Variants in NUP37 observed in about 807,000 individuals in gnomAD.
NUP37 encodes the protein nucleoporin Nup37.
In NUP37, 33 loss-of-function variants were observed where a neutral mutation model predicts 45.4. The observed-to-expected ratio is 0.73, with a 90% CI of 0.55 to 0.97. The LOEUF (loss-of-function observed/expected upper bound fraction) is 0.97, where lower values mean the gene tolerates loss of function less well. Among genes scored for constraint, NUP37 ranks in the 50% least tolerant of loss-of-function variants. NUP37 has a pLI of 0.00. For missense variants in NUP37, 365 were observed against 389.7 expected (o/e 0.94, Z 0.53); for synonymous variants, 127 against 130.7 (o/e 0.97, Z 0.19).
intron 5 of NUP37, among the ~76,000 whole-genome samples, chr12:102,089,297 G>A (rs1879570127): frequency 6.6e-6 from 1 of 152,144 alleles, no homozygotes; most frequent in Non-Finnish European, 1.5e-5. Flanking sequence ...GCCAGGCAGA[G>A]GCGCTCCTCA....
intron 2 of NUP37, chr12:102,115,867 A>T: frequency 1.1e-6 from 1 of 886,360 alleles, no homozygotes. Context: ...TGAAGGTTCT[A>T]GGACAACAGA....
chr12:102,092,218 A>G (rs1272484757), intron 5 of NUP37, among the ~76,000 whole-genome samples: 1 of 152,222 alleles, frequency 6.6e-6, no homozygotes, highest in African/African-American at 2.4e-5. Context: ...ATGTTTTTTG[A>G]CAACACAAAA....
chr12:102,076,690 G>T, intron 8 of NUP37, 107 bp downstream of exon 8: 1 of 850,926 alleles, frequency 1.2e-6, no homozygotes, highest in Non-Finnish European at 1.9e-6. Flanking sequence ...AAAACAATAA[G>T]GGAAAAAAAA....
At chr12:102,105,355 T>C (rs1400952918) in intron 3 of NUP37, among the ~76,000 whole-genome samples, 1 of 149,534 alleles carries the variant, frequency 6.7e-6, no homozygotes, top group Non-Finnish European at 1.5e-5. Flanking sequence ...CAAAACCCCA[T>C]CTCTACAAAA....
Position 102,118,401 on chromosome 12 carries a change from C to T in NUP37, c.118G>A (p.Gly40Ser). ...GDSGNLIAYG[G>S]NNYVVIGTCT... ...GTGCCAATGACCACATAATTATTGC[C>T]ACCATATGCAATTAGGTTTCCTGAA... Residue 40 changes from glycine to serine, a missense_variant, in exon 2 of 10, where the codon GGC (glycine) becomes AGC (serine). Transcript: ENST00000552283. The T allele has an allele frequency of 1.2e-6, 2 of 1,613,874 alleles. No homozygotes were observed. The highest frequency in any genetic ancestry group is 2.2e-5 in the South Asian group (2 of 91,038).
intron 3 of NUP37, among the ~76,000 whole-genome samples, chr12:102,104,242 C>G (rs776682162): frequency 6.6e-6 from 1 of 151,974 alleles, no homozygotes; most frequent in Non-Finnish European, 1.5e-5. Context: ...TTTTTATATG[C>G]CTGTTGGCCA....
Position 102,077,446 on chromosome 12 carries a change from C to T in NUP37, c.598G>A (p.Ala200Thr), listed in dbSNP as rs754303245. 5.4e-5 allele frequency: 87 copies of T among 1,613,988 alleles called. No homozygotes were observed. The highest frequency in any genetic ancestry group is 7.3e-5 in the Non-Finnish European group (86 of 1,179,994). Residue 200 changes from alanine (A) to threonine (T), a missense_variant, in exon 7 of 10, where the codon GCT becomes ACT. Ala to Thr is a moderately conservative substitution (Grantham distance 58). Coordinates refer to ENST00000552283, the MANE Select transcript of NUP37 (RefSeq NM_024057.4). ...IRFYDLLAQQ[A>T]ILSLESEQVP... Reference sequence around the variant, plus strand: ...TGTTCTGATTCAAGAGATAAAATAGCCTGTTGGGCCAAAAGATCATAAAAC... The same window carrying T: ...TGTTCTGATTCAAGAGATAAAATAGTCTGTTGGGCCAAAAGATCATAAAAC...
intron 3 of NUP37, among the ~76,000 whole-genome samples, chr12:102,101,791 T>TTCATATGAAA (rs1458939281): frequency 7.9e-5 from 12 of 151,988 alleles, no homozygotes; most frequent in Non-Finnish European, 1.6e-4. Context: ...GTGGTATGAT[T>TTCATATGAAA]TCATACCACT....
intron 6 of NUP37, among the ~76,000 whole-genome samples, chr12:102,078,856 G>C (rs766868658): frequency 6.6e-6 from 1 of 152,040 alleles, no homozygotes; most frequent in Non-Finnish European, 1.5e-5. Context: ...TTTATCAAAC[G>C]CACAAATTAA....
chr12:102,117,577 G>A (rs911409079), intron 2 of NUP37, among the ~76,000 whole-genome samples: 9 of 152,112 alleles, frequency 5.9e-5, no homozygotes, highest in Admixed American at 4.6e-4. Context: ...CATGGTTTAT[G>A]TTCACCACAA....
At chr12:102,088,690 T>C (rs1315208545) in intron 5 of NUP37, among the ~76,000 whole-genome samples, 1 of 149,938 alleles carries the variant, frequency 6.7e-6, no homozygotes, top group African/African-American at 2.5e-5. Flanking sequence ...AATTTGTTTT[T>C]GTTTTTGTTT....
intron 9 of NUP37, chr12:102,074,765 A>C: frequency 2.2e-6 from 1 of 445,516 alleles, no homozygotes; most frequent in East Asian, 3.5e-5. Context: ...CAGAATAAAA[A>C]GCTTCTTATA....
chr12:102,077,541 A>G, intron 6 of NUP37, 38 bp from the exon 7 acceptor site: 4 of 1,567,878 alleles, frequency 2.6e-6, no homozygotes, highest in South Asian at 2.3e-5. Context: ...TCAATCACTT[A>G]TCTCACTAAC....
At chr12:102,076,204 T>C (rs947589466) in intron 8 of NUP37, among the ~76,000 whole-genome samples, 6 of 152,346 alleles carry the variant, frequency 3.9e-5, no homozygotes, top group African/African-American at 1.4e-4. Flanking sequence ...TTTAGTCGAA[T>C]GTATTTTATT....
At chr12:102,115,698 C>T in intron 2 of NUP37, 1 of 344,164 alleles carries the variant, frequency 2.9e-6, no homozygotes, top group Non-Finnish European at 4.1e-6. Context: ...CTGAAAAATG[C>T]TTTATTGAAA....
chr12:102,099,159 A>G lies in NUP37; in HGVS notation c.396T>C (p.Phe132=). The change falls in exon 5 of 10, where the codon TTT becomes TTC. Residue 132 remains phenylalanine (F), a synonymous_variant. Transcript: ENST00000552283. ...CAATTTCTTGGCCTTCTTTGGGATCAAACACCAAACCATTAATGAAATCGG... is the reference window on the plus strand; with the variant it reads ...CAATTTCTTGGCCTTCTTTGGGATCGAACACCAAACCATTAATGAAATCGG... ...GHTDFINGLV[F]DPKEGQEIAS... 6.2e-7 allele frequency: 1 copy of G among 1,613,938 alleles called. No individual in the cohort carries two copies. The highest frequency in any genetic ancestry group is 8.5e-7 in the Non-Finnish European group (1 of 1,179,800).
intron 2 of NUP37, 46 bp from the exon 3 acceptor site, chr12:102,112,278 A>G: frequency 6.8e-7 from 1 of 1,475,544 alleles, no homozygotes; most frequent in South Asian, 1.2e-5. Flanking sequence ...AGAACAAACA[A>G]TATAATATTC....
chr12:102,111,984 A>G (rs749833451), intron 3 of NUP37, 124 bp downstream of exon 3: 21 of 870,666 alleles, frequency 2.4e-5, no homozygotes, highest in Non-Finnish European at 3.7e-5. Flanking sequence ...AAATATCAAA[A>G]TATCTAATAT....
chr12:102,116,339 A>G (rs1385428289), intron 2 of NUP37, among the ~76,000 whole-genome samples: 1 of 152,212 alleles, frequency 6.6e-6, no homozygotes, highest in East Asian at 1.9e-4. Context: ...TGAAGTAAAA[A>G]TTAGTTTTAC....
Sources: allele counts gnomAD v4.1 joint callset (sites outside exome capture counted in the v4.1 genomes callset), GRCh38; gene constraint gnomAD v4.1.1; transcripts MANE v1.5; gene names NCBI Gene and HGNC (gene_info 2026-07-23, HGNC 2026-07-21).